Variants in SH3BP5L observed in about 807,000 individuals in gnomAD.
SH3BP5L encodes the protein SH3 binding domain protein 5 like.
In SH3BP5L, 16 loss-of-function variants were observed where a neutral mutation model predicts 40.9. The ratio of observed to expected loss-of-function variants is 0.39; its 90% CI spans 0.27 to 0.59. The LOEUF is 0.59. SH3BP5L is among the 20% of genes least tolerant of loss of function. The probability of loss-of-function intolerance (pLI) is 0.53; values close to 1 mark genes in which losing one functional copy is unlikely to be tolerated. For missense variants in SH3BP5L, 471 were observed against 544.6 expected (o/e 0.86, Z 1.35); for synonymous variants, 229 against 226.7 (o/e 1.01, Z -0.09).
intron 2 of SH3BP5L, among the ~76,000 whole-genome samples, chr1:248,823,655 C>CACAT (rs1381421333): frequency 6.6e-6 from 1 of 152,186 alleles, no homozygotes; most frequent in Non-Finnish European, 1.5e-5. Flanking sequence ...CCCACACACA[C>CACAT]ACACATATCC....
In SH3BP5L at chr1:248,810,878, G is replaced by C. The variant is rs1023145721; in HGVS notation, c.*1022C>G. ...TAAGAGGGTTGGCAGCCAAGCTTCA[G>C]TGTGCCCCGAGGGATCCTGCAGTAG... On this transcript the variant is annotated 3_prime_UTR_variant, in exon 7 of 7. Transcript: ENST00000366472. The C allele has an allele frequency of 3.1e-4, 48 of 152,724 alleles. No homozygotes were observed. The highest frequency in any genetic ancestry group is 3.0e-3 in the Admixed American group (46 of 15,292). The allele number at this position is 152,724 out of a possible 1,614,324, so 9.5% of individuals were successfully genotyped here.
rs1400786190 is a variant in SH3BP5L, at chr1:248,821,365, G to C, written c.183+3388C>G. ...TGACCTTCCCAGGGCACAGCAGTCAGATTCCCAGGATGCCAGGACACTGAA... is the reference window on the plus strand; with the variant it reads ...TGACCTTCCCAGGGCACAGCAGTCACATTCCCAGGATGCCAGGACACTGAA... On this transcript the variant is annotated intron_variant, in intron 2 of 6. Transcript: ENST00000366472. This position sits in a 1 kb window ranked among gnomAD's most constrained non-coding sequence, Gnocchi z 4.6. The C allele has an allele frequency of 2.0e-5, 3 of 152,448 alleles. No homozygotes were observed. In the East Asian group the frequency reaches 5.8e-4, roughly 29 times the overall value. The allele number at this position is 152,448 out of a possible 1,614,324, so 9.4% of individuals were successfully genotyped here. A position where few individuals can be genotyped will look rare whatever the true frequency, so the allele number is the denominator to read the frequency against.
chr1:248,825,852 T>A lies in SH3BP5L; in HGVS notation c.-449A>T, dbSNP rs1664367162. On this transcript the variant is annotated 5_prime_UTR_variant, in exon 1 of 7. Coordinates refer to ENST00000366472, the MANE Select transcript of SH3BP5L (RefSeq NM_030645.3). ...AGCCTTACCTCAGTTTACCTTCCCG[T>A]CCGCGGAGCTTCTATGCTGCAAACA... 2.0e-6 allele frequency: 2 copies of A among 981,874 alleles called. No homozygotes were observed. The highest frequency in any genetic ancestry group is 4.8e-5 in the South Asian group (1 of 20,952). 60.8% of individuals were successfully genotyped at this position (981,874 alleles called of 1,614,324 possible).
intron 2 of SH3BP5L, among the ~76,000 whole-genome samples, chr1:248,818,272 C>T (rs556709749): frequency 1.3e-4 from 20 of 152,016 alleles, no homozygotes; most frequent in African/African-American, 4.1e-4. Context: ...GGCTTGAACC[C>T]GGGGGGCAGG....
intron 2 of SH3BP5L, among the ~76,000 whole-genome samples, chr1:248,823,026 G>C (rs1664291492): frequency 1.3e-5 from 2 of 152,174 alleles, no homozygotes; most frequent in South Asian, 4.1e-4. Flanking sequence ...CATGCAGCTA[G>C]TCCACCCTAT....
chr1:248,819,951 A>C (rs1441158330), intron 2 of SH3BP5L, among the ~76,000 whole-genome samples: 1 of 152,206 alleles, frequency 6.6e-6, no homozygotes, highest in Non-Finnish European at 1.5e-5. Flanking sequence ...TTAAAAAAAG[A>C]GTGAAATTAT....
chr1:248,814,408 G>A (rs777903257), intron 5 of SH3BP5L, 41 bp downstream of exon 5: 26 of 1,608,782 alleles, frequency 1.6e-5, no homozygotes, highest in South Asian at 4.4e-5. Flanking sequence ...AAGGATGGAC[G>A]AGAACCAGCG....
Position 248,814,372 on chromosome 1 carries a change from G to A in SH3BP5L, c.537+77C>T, listed in dbSNP as rs983205983. ...AAGGCTAGAATAGAGGGAAGAATGAGGAGGTGAGGTGATAAAGACATAGCA... is the reference window on the plus strand; with the variant it reads ...AAGGCTAGAATAGAGGGAAGAATGAAGAGGTGAGGTGATAAAGACATAGCA... On this transcript the variant is annotated intron_variant, in intron 5 of 6. Transcript: ENST00000366472. 8 of 1,455,874 alleles carry A rather than the reference G, an allele frequency of 5.5e-6. No individual in the cohort carries two copies. The East Asian group carries it at 1.2e-4, about 21-fold the overall frequency. 90.2% of individuals were successfully genotyped at this position (1,455,874 alleles called of 1,614,324 possible). A position where few individuals can be genotyped will look rare whatever the true frequency, so the allele number is the denominator to read the frequency against.
intron 1 of SH3BP5L, 80 bp downstream of exon 1, chr1:248,825,755 C>T: frequency 2.1e-6 from 1 of 480,362 alleles, no homozygotes; most frequent in Non-Finnish European, 2.7e-6. Flanking sequence ...TCTCCAATTC[C>T]ACACTCTTCC....
rs1437093825 is a variant in SH3BP5L, at chr1:248,811,386, G to C, written c.*514C>G. On this transcript the variant is annotated 3_prime_UTR_variant, in exon 7 of 7. Transcript: ENST00000366472. ...CACGGGCAGGCTGGAGCAGGACGGG[G>C]GGCAGGGCTCAGCAGCATACCTAGG... 1 of 158,644 alleles carries C rather than the reference G, an allele frequency of 6.3e-6. No individual in the cohort carries two copies. The highest frequency in any genetic ancestry group is 1.4e-5 in the Non-Finnish European group (1 of 72,608). The allele number at this position is 158,644 out of a possible 1,614,324, so 9.8% of individuals were successfully genotyped here.
rs1663932638 is a variant in SH3BP5L at position 248,811,742 on chromosome 1, C to T, written c.*158G>A. ...GGGGGAGGCTGTGAGAACGCCAGGG[C>T]AGGCACAGAGGACTCGAACACAGCT... On this transcript the variant is annotated 3_prime_UTR_variant, in exon 7 of 7. Coordinates refer to ENST00000366472, the MANE Select transcript of SH3BP5L (RefSeq NM_030645.3). 3.4e-6 allele frequency: 2 copies of T among 596,584 alleles called. No homozygotes were observed. The highest frequency in any genetic ancestry group is 6.0e-5 in the East Asian group (2 of 33,462). 37.0% of individuals were successfully genotyped at this position (596,584 alleles called of 1,614,324 possible). A position where few individuals can be genotyped will look rare whatever the true frequency, so the allele number is the denominator to read the frequency against.
At position 248,824,792 on chromosome 1, in the gene SH3BP5L, C is replaced by T; in HGVS notation, c.144G>A (p.Leu48=). The change falls in exon 2 of 7, where the codon TTG becomes TTA. Residue 48 remains leucine, a synonymous_variant. Coordinates refer to ENST00000366472, the MANE Select transcript of SH3BP5L (RefSeq NM_030645.3). ...CCAGTTCTTCCTCCTCTCTTGGGGA[C>T]AATTTGGCCTCACTGCTGCTGCTTC... is the stretch of plus-strand genomic sequence containing the variant. ...GGGSSSSEAK[L]SPREEEELDP... 8.1e-6 allele frequency: 13 copies of T among 1,614,142 alleles called. No homozygotes were observed. The highest frequency in any genetic ancestry group is 1.1e-5 in the Non-Finnish European group (13 of 1,180,024).
chr1:248,824,941 C>A lies in SH3BP5L; in HGVS notation c.-6G>T. ...ACCTGTCTGAGCTCAGCCATGCTGA[C>A]AGGGGGAGGGCAGAGCCCTATGCAC... On this transcript the variant is annotated 5_prime_UTR_variant, in exon 2 of 7. Transcript: ENST00000366472. The A allele has an allele frequency of 6.2e-7, 1 of 1,611,280 alleles. No individual in the cohort carries two copies. Among genetic ancestry groups the A allele is most frequent in the Non-Finnish European group, 8.5e-7 (1 of 1,178,906 alleles).
chr1:248,822,468 G>C (rs1037874180), intron 2 of SH3BP5L, among the ~76,000 whole-genome samples: 3 of 152,096 alleles, frequency 2.0e-5, no homozygotes, highest in Non-Finnish European at 2.9e-5. Flanking sequence ...ATTCCACAAC[G>C]TGTTGTGCAG....
Position 248,824,981 on chromosome 1 carries a change from ATGCTGGGACCAGGGCCCCAGCTTGG to A in SH3BP5L, c.-71_-47del. On this transcript the variant is annotated 5_prime_UTR_variant, in exon 2 of 7. An upstream start codon of the reference 5' UTR is lost. Transcript: ENST00000366472. ...GCCCTATGCACAAGAGAGGACTGAC[ATGCTGGGACCAGGGCCCCAGCTTGG>A]GGCTTCCTGGGCTCTAGATGGCCAG... 1 of 1,558,508 alleles carries A rather than the reference ATGCTGGGACCAGGGCCCCAGCTTGG, an allele frequency of 6.4e-7. No individual in the cohort carries two copies. Among genetic ancestry groups the A allele is most frequent in the South Asian group, 1.2e-5 (1 of 83,836 alleles).
At chr1:248,816,250 T>A in intron 4 of SH3BP5L, 1 of 370,242 alleles carries the variant, frequency 2.7e-6, no homozygotes, top group Non-Finnish European at 5.1e-6. Flanking sequence ...ATATCTGATA[T>A]ACCCTAAAGC....
chr1:248,814,274 G>A, intron 5 of SH3BP5L, 175 bp downstream of exon 5: 1 of 677,230 alleles, frequency 1.5e-6, no homozygotes, highest in Non-Finnish European at 2.5e-6. Flanking sequence ...AATGGAATAT[G>A]GGAAGCAATG....
At chr1:248,814,713 G>T in intron 4 of SH3BP5L, 103 bp from the exon 5 acceptor site, 3 of 1,151,690 alleles carry the variant, frequency 2.6e-6, no homozygotes, top group Non-Finnish European at 3.9e-6. Flanking sequence ...AGGCCTACTA[G>T]CAATGTCGGC....
rs1289385533 is a variant in SH3BP5L, at chr1:248,824,897, G to A, written c.39C>T (p.Thr13=). 2 of 1,613,834 alleles carry A rather than the reference G, an allele frequency of 1.2e-6. No homozygotes were observed. The highest frequency in any genetic ancestry group is 2.7e-5 in the African/African-American group (2 of 74,894). The change falls in exon 2 of 7, where the codon ACC becomes ACT. Residue 13 remains threonine, a synonymous_variant. Transcript: ENST00000366472. The part of the protein sequence containing the change: ...ELRQVPGGRE[T]PQGELRPEVV... ...CTTCAGGCCGCAGCTCCCCCTGTGGGGTCTCCCGCCCTCCTGGAACCTGTC... is the reference window on the plus strand; with the variant it reads ...CTTCAGGCCGCAGCTCCCCCTGTGGAGTCTCCCGCCCTCCTGGAACCTGTC...
Sources: gnomAD v4.1 joint callset for allele counts (sites outside exome capture counted in the v4.1 genomes callset) on GRCh38, gnomAD v4.1.1 for gene constraint, Gnocchi (gnomAD v3.1) non-coding constraint, MANE v1.5 for transcripts, NCBI Gene and HGNC (gene_info 2026-07-23, HGNC 2026-07-21) for gene names.